DLG2: variants seen among roughly 807,000 people sequenced by gnomAD.
DLG2 encodes the protein disks large homolog 2.
A neutral mutation model predicts 132.5 loss-of-function variants in DLG2; 45 were observed. The observed-to-expected ratio is 0.34, with a 90% CI of 0.27 to 0.44. DLG2 has a LOEUF of 0.44. DLG2 is among the 20% of genes least tolerant of loss of function. DLG2 has a pLI of 1.00. For missense variants in DLG2, 1,045 were observed against 1,196.9 expected (o/e 0.87, Z 1.87); for synonymous variants, 424 against 419.6 (o/e 1.01, Z -0.13).
chr11:83,579,055 T>G (rs1397899048), intron 19 of DLG2, among the ~76,000 whole-genome samples: 1 of 152,214 alleles, frequency 6.6e-6, no homozygotes, highest in Non-Finnish European at 1.5e-5. Flanking sequence ...GCTTCTTTCC[T>G]TGCCTCAACA....
At chr11:83,492,970 T>A (rs1369394415) in intron 21 of DLG2, among the ~76,000 whole-genome samples, 1 of 152,048 alleles carries the variant, frequency 6.6e-6, no homozygotes, top group Non-Finnish European at 1.5e-5. Flanking sequence ...TCCAGTGACT[T>A]CCCACCTCAT....
At chr11:84,905,509 G>C (rs911957481) in intron 6 of DLG2, among the ~76,000 whole-genome samples, 1 of 151,990 alleles carries the variant, frequency 6.6e-6, no homozygotes, top group Non-Finnish European at 1.5e-5. Flanking sequence ...AAAACCTTTT[G>C]TATTGTAAAA....
intron 18 of DLG2, among the ~76,000 whole-genome samples, chr11:83,742,058 C>A (rs1323241300): frequency 6.6e-6 from 1 of 152,110 alleles, no homozygotes; most frequent in Non-Finnish European, 1.5e-5. Context: ...GAGTATGTGC[C>A]TTTTTATCTC....
chr11:83,488,399 G>T (rs903478060), intron 21 of DLG2, among the ~76,000 whole-genome samples: 6 of 151,988 alleles, frequency 3.9e-5, no homozygotes, highest in Non-Finnish European at 7.4e-5. Flanking sequence ...TGCCCAGCCT[G>T]ACTCTGAGAT....
intron 6 of DLG2, among the ~76,000 whole-genome samples, chr11:85,031,091 T>C (rs955078502): frequency 2.0e-5 from 3 of 151,996 alleles, no homozygotes; most frequent in Non-Finnish European, 4.4e-5. Context: ...TTTTTATATA[T>C]AGGTTCTATT....
intron 6 of DLG2, among the ~76,000 whole-genome samples, chr11:84,694,883 G>C (rs2058453867): frequency 6.6e-6 from 1 of 151,508 alleles, no homozygotes; most frequent in Non-Finnish European, 1.5e-5. Flanking sequence ...GTTAAGTTAG[G>C]AATGGTTTCC....
chr11:84,922,998 G>A (rs2092829461), intron 6 of DLG2: 10 of 1,569,374 alleles, frequency 6.4e-6, no homozygotes, highest in African/African-American at 1.4e-5. Context: ...GAAAAGTCCT[G>A]AAGCTACACA....
intron 7 of DLG2, among the ~76,000 whole-genome samples, chr11:84,389,542 T>C (rs1030388232): frequency 1.3e-5 from 2 of 152,276 alleles, no homozygotes; most frequent in Middle Eastern, 3.4e-3. Flanking sequence ...TTGAAATAAA[T>C]TTAGAGTTGA....
chr11:85,583,166 A>AT (rs2078728128), intron 3 of DLG2, among the ~76,000 whole-genome samples: 1 of 113,912 alleles, frequency 8.8e-6, no homozygotes, highest in African/African-American at 3.4e-5. Context: ...ATATATATAT[A>AT]TATGTTTTGT....
chr11:83,963,976 C>T (rs1234365098), intron 13 of DLG2, among the ~76,000 whole-genome samples: 1 of 151,962 alleles, frequency 6.6e-6, no homozygotes, highest in African/African-American at 2.4e-5. Flanking sequence ...ATTCACCTCT[C>T]CCATGGCATA....
intron 21 of DLG2, among the ~76,000 whole-genome samples, chr11:83,522,755 C>G (rs905992417): frequency 2.0e-5 from 3 of 151,580 alleles, no homozygotes; most frequent in African/African-American, 7.3e-5. Flanking sequence ...GCTATTTGCT[C>G]CAGGTCATGT....
At chr11:83,463,661 C>T (rs2090478386) in intron 26 of DLG2, among the ~76,000 whole-genome samples, 2 of 152,276 alleles carry the variant, frequency 1.3e-5, no homozygotes, top group Admixed American at 1.3e-4. Context: ...TATGGTGGCA[C>T]ATACCTTTAG....
At chr11:84,267,077 G>T (rs2154361340) in intron 7 of DLG2, among the ~76,000 whole-genome samples, 1 of 152,288 alleles carries the variant, frequency 6.6e-6, no homozygotes, top group South Asian at 2.1e-4. Context: ...ATGAAGAAAG[G>T]CAGGTGGGAT....
chr11:84,626,902 C>T (rs954913657), intron 6 of DLG2, among the ~76,000 whole-genome samples: 25 of 95,968 alleles, frequency 2.6e-4, no homozygotes, highest in Non-Finnish European at 4.2e-4. Context: ...GATGGAGTCT[C>T]ACTCTGTCAC....
intron 9 of DLG2, among the ~76,000 whole-genome samples, chr11:84,108,068 G>A (rs546578280): frequency 7.9e-5 from 12 of 152,206 alleles, no homozygotes; most frequent in African/African-American, 2.9e-4. Context: ...TGAGTAACAT[G>A]TTAGAAAAGA....
chr11:85,205,255 C>T (rs934951316), intron 4 of DLG2, among the ~76,000 whole-genome samples: 4 of 150,718 alleles, frequency 2.7e-5, no homozygotes, highest in Non-Finnish European at 5.9e-5. Flanking sequence ...AAATGGAGGT[C>T]AGTGTGCTAA....
intron 22 of DLG2, among the ~76,000 whole-genome samples, chr11:83,475,076 C>T (rs2092476846): frequency 6.6e-6 from 1 of 152,174 alleles, no homozygotes; most frequent in Non-Finnish European, 1.5e-5. Flanking sequence ...GCAATGGCAG[C>T]ATCCCTTATG....
At chr11:84,592,882 G>A (rs1410051882) in intron 6 of DLG2, among the ~76,000 whole-genome samples, 1 of 128,474 alleles carries the variant, frequency 7.8e-6, no homozygotes, top group Non-Finnish European at 1.6e-5. Context: ...TGGATCACAA[G>A]GTCAGGAGAG....
At chr11:84,137,921 C>T (rs2094671983) in intron 9 of DLG2, among the ~76,000 whole-genome samples, 1 of 150,640 alleles carries the variant, frequency 6.6e-6, no homozygotes, top group African/African-American at 2.5e-5. Flanking sequence ...AAGTGAGAAA[C>T]ATCCCCTTAG....
Sources: allele counts gnomAD v4.1 joint callset (sites outside exome capture counted in the v4.1 genomes callset), GRCh38; gene constraint gnomAD v4.1.1; transcripts MANE v1.5; gene names NCBI Gene and HGNC (gene_info 2026-07-23, HGNC 2026-07-21).